The following COL4A1 variants were observed in gnomAD, a reference collection of about 807,000 sequenced individuals.
The protein encoded by COL4A1 is collagen type IV alpha 1 chain.
Under a neutral mutation model 216.6 loss-of-function variants are expected in COL4A1, and 40 were observed. That is an observed-to-expected ratio of 0.18 (90% CI 0.14 to 0.24). The LOEUF is 0.24. COL4A1 is among the 10% of genes least tolerant of loss of function. The pLI is 1.00. For missense variants in COL4A1, 1,628 were observed against 2,196.8 expected (o/e 0.74, Z 5.18); for synonymous variants, 839 against 810.7 (o/e 1.03, Z -0.59).
intron 1 of COL4A1, among the ~76,000 whole-genome samples, chr13:110,257,964 C>A (rs1420544879): frequency 6.6e-6 from 1 of 152,090 alleles, no homozygotes; most frequent in East Asian, 1.9e-4. Flanking sequence ...ATTCCATGTC[C>A]CTGGTCCTTC....
chr13:110,278,518 C>T (rs1252281667), intron 1 of COL4A1, among the ~76,000 whole-genome samples: 1 of 152,174 alleles, frequency 6.6e-6, no homozygotes, highest in Non-Finnish European at 1.5e-5. Context: ...ATTCATTCAT[C>T]CATTCATTCA....
intron 1 of COL4A1, among the ~76,000 whole-genome samples, chr13:110,285,709 C>T (rs1384162651): frequency 2.6e-5 from 4 of 152,086 alleles, no homozygotes; most frequent in Admixed American, 6.5e-5. Flanking sequence ...GTTGTATTAG[C>T]GCTCCCTGAC....
chr13:110,163,053 C>T (rs2298239), intron 47 of COL4A1, among the ~76,000 whole-genome samples: 52,816 of 152,124 alleles, frequency 0.35, 9,342 homozygotes, highest in South Asian at 0.36. Context: ...TAGCCTTCAC[C>T]GGACACTCGA....
chr13:110,185,828 G>A (rs1269234355), intron 26 of COL4A1, among the ~76,000 whole-genome samples: 3 of 152,242 alleles, frequency 2.0e-5, no homozygotes, highest in Admixed American at 1.3e-4. Flanking sequence ...CTGTGCAGGA[G>A]GGCAGGGACC....
In COL4A1 at chr13:110,172,761, C is replaced by T; in HGVS notation, c.3515G>A (p.Gly1172Glu). 1 of 1,614,048 alleles carries T rather than the reference C, an allele frequency of 6.2e-7. No individual in the cohort carries two copies. The change falls in exon 41 of 52, where the codon GGA becomes GAA. Residue 1172 changes from glycine to glutamate, a missense_variant. Coordinates refer to ENST00000375820, the MANE Select transcript of COL4A1 (RefSeq NM_001845.6). ...CCCTGGAAACCCTGGGAATCCTCTT[C>T]CTGGTAGACCTATAAGATGAGGGTA... The part of the protein sequence containing the change: ...AGEKGEPGLP[G>E]RGFPGFPGAK...
In COL4A1 at chr13:110,195,100, T is replaced by C. The variant is rs1878827912; in HGVS notation, c.1304A>G (p.Gln435Arg). The C allele has an allele frequency of 3.7e-6, 6 of 1,614,204 alleles. No individual in the cohort carries two copies. In the East Asian group the frequency reaches 1.3e-4, roughly 36 times the overall value. ...ACCCTGGTCACCTGGAGGTCCGGGC[T>C]GACATTCCACAATTCCATCTGAAAT... ...PGYTNGIVEC[Q>R]PGPPGDQGPP... is the part of the protein sequence containing the mutation. Residue 435 changes from glutamine to arginine, a missense_variant, in exon 22 of 52, where the codon CAG (glutamine) becomes CGG (arginine). This residue lies in a region of COL4A1 where 701 missense variants were observed against 892.5 expected (regional missense o/e 0.79). Coordinates refer to ENST00000375820, the MANE Select transcript of COL4A1 (RefSeq NM_001845.6).
intron 2 of COL4A1, among the ~76,000 whole-genome samples, chr13:110,220,086 T>TGA (rs983174578): frequency 6.6e-6 from 1 of 151,318 alleles, no homozygotes; most frequent in African/African-American, 2.4e-5. Flanking sequence ...TATAGTAGTG[T>TGA]GCCACCATGC....
intron 48 of COL4A1, 79 bp downstream of exon 48, chr13:110,162,151 G>A: frequency 2.3e-6 from 3 of 1,300,350 alleles, no homozygotes; most frequent in Non-Finnish European, 3.3e-6. Flanking sequence ...TGCAGCAGCA[G>A]AGGCGAGTCC....
chr13:110,302,840 T>C (rs7319323), intron 1 of COL4A1, among the ~76,000 whole-genome samples: 46,860 of 152,112 alleles, frequency 0.31, 7,382 homozygotes, highest in South Asian at 0.35. Flanking sequence ...TGCTCTAACA[T>C]TATTTTAGGC....
At position 110,150,419 on chromosome 13, in the gene COL4A1, C is replaced by A. The variant is rs1876444669; in HGVS notation, c.4954G>T (p.Ala1652Ser). Residue 1652 changes from alanine to serine, a missense_variant, in exon 52 of 52, where the codon GCA becomes TCA. Around this residue, in one of 8 missense-constraint regions of COL4A1, gnomAD observed 254 missense variants for 300.1 expected, o/e 0.85. Transcript: ENST00000375820. ...FKKPTPSTLKAGELRTHVSRC... is the reference protein window; with the variant it reads ...FKKPTPSTLKSGELRTHVSRC... ...CTGACGTGCGTGCGCAGCTCCCCTGCCTTCAAGGTGGACGGCGTAGGCTTC... is the reference window on the plus strand; with the variant it reads ...CTGACGTGCGTGCGCAGCTCCCCTGACTTCAAGGTGGACGGCGTAGGCTTC... 3 of 1,614,000 alleles carry A rather than the reference C, an allele frequency of 1.9e-6. No individual in the cohort carries two copies. Among genetic ancestry groups the A allele is most frequent in the African/African-American group, 2.7e-5 (2 of 74,948 alleles).
At chr13:110,174,235 A>C (rs569433053) in intron 39 of COL4A1, among the ~76,000 whole-genome samples, 2 of 152,270 alleles carry the variant, frequency 1.3e-5, no homozygotes, top group South Asian at 4.1e-4. Flanking sequence ...CCACAAAAAC[A>C]GTTTGGAGAT....
At chr13:110,155,820 G>A in intron 49 of COL4A1, among the ~76,000 whole-genome samples, 1 of 152,206 alleles carries the variant, frequency 6.6e-6, no homozygotes, top group South Asian at 2.1e-4. Context: ...GCTGAGGCAG[G>A]AGAATCACTT....
intron 1 of COL4A1, among the ~76,000 whole-genome samples, chr13:110,260,787 C>T (rs1026027641): frequency 3.9e-5 from 6 of 152,110 alleles, no homozygotes; most frequent in East Asian, 3.9e-4. Context: ...CGGTGGCTCA[C>T]GCCTGTAATC....
At chr13:110,195,934 T>C (rs969446160) in intron 21 of COL4A1, among the ~76,000 whole-genome samples, 5 of 152,142 alleles carry the variant, frequency 3.3e-5, no homozygotes, top group African/African-American at 4.8e-5. Flanking sequence ...TGTTCAGCTG[T>C]CACCTGGACG....
intron 1 of COL4A1, among the ~76,000 whole-genome samples, chr13:110,294,084 G>A (rs969144701): frequency 2.0e-5 from 3 of 152,080 alleles, no homozygotes; most frequent in South Asian, 4.2e-4. Context: ...TTGAGTAGGC[G>A]CTGAGCTGGA....
At chr13:110,175,126 T>A in intron 37 of COL4A1, 92 bp downstream of exon 37, 1 of 1,509,638 alleles carries the variant, frequency 6.6e-7, no homozygotes, top group Non-Finnish European at 9.2e-7. Context: ...TTATGGCTCA[T>A]TGAGTGTGCT....
chr13:110,176,578 C>T (rs1877895711), intron 35 of COL4A1, 48 bp downstream of exon 35: 3 of 1,596,302 alleles, frequency 1.9e-6, no homozygotes, highest in African/African-American at 2.7e-5. Context: ...GAACACAGGC[C>T]TCATCCTGAG....
intron 2 of COL4A1, among the ~76,000 whole-genome samples, chr13:110,227,771 G>A (rs1323202258): frequency 6.6e-6 from 1 of 152,202 alleles, no homozygotes; most frequent in Non-Finnish European, 1.5e-5. Flanking sequence ...TGAAGAAACA[G>A]GGAAAGCAGT....
In COL4A1 at chr13:110,210,164, C is replaced by T. The variant is rs757136893; in HGVS notation, c.517G>A (p.Gly173Ser). Residue 173 changes from glycine (G) to serine (S), a missense_variant, in exon 9 of 52, where the codon GGT becomes AGT. Physicochemically the swap from Gly to Ser is moderately conservative, Grantham distance 56 (BLOSUM62 0). Coordinates refer to ENST00000375820, the MANE Select transcript of COL4A1 (RefSeq NM_001845.6). ...LGHVPGMLLK[G>S]ERGFPGIPGT... The stretch of plus-strand genomic sequence containing the variant: ...GGGATTCCGGGAAATCCTCTTTCAC[C>T]TTTCAACAGCATCCCGGGCACATGG... 11 of 1,614,002 alleles carry T rather than the reference C, an allele frequency of 6.8e-6. No individual in the cohort carries two copies. The South Asian group carries it at 9.9e-5, about 14-fold the overall frequency.
Sources: gnomAD v4.1 joint callset for allele counts (sites outside exome capture counted in the v4.1 genomes callset) on GRCh38, gnomAD v4.1.1 for gene constraint, gnomAD v4.1.1 regional missense constraint, MANE v1.5 for transcripts, NCBI Gene and HGNC (gene_info 2026-07-23, HGNC 2026-07-21) for gene names.